Variants in TRABD2B observed in about 807,000 individuals in gnomAD.
TRABD2B encodes the protein metalloprotease TIKI2.
A neutral mutation model predicts 40.1 loss-of-function variants in TRABD2B; 14 were observed. That is an observed-to-expected ratio of 0.35 (90% CI 0.23 to 0.55). TRABD2B has a LOEUF of 0.55. Ranked by LOEUF, TRABD2B falls within the 20% of genes least tolerant of loss-of-function variation. The pLI, the probability that TRABD2B is intolerant of heterozygous loss-of-function variation, is 0.90. For missense variants in TRABD2B, 541 were observed against 648.6 expected (o/e 0.83, Z 1.80); for synonymous variants, 263 against 277.0 (o/e 0.95, Z 0.50).
chr1:47,829,123 T>C (rs894036388), intron 2 of TRABD2B, among the ~76,000 whole-genome samples: 2 of 152,194 alleles, frequency 1.3e-5, no homozygotes, highest in African/African-American at 4.8e-5. Flanking sequence ...GCCTGACTTG[T>C]CTCTTATGTT....
intron 2 of TRABD2B, among the ~76,000 whole-genome samples, chr1:47,967,654 G>A (rs1473594770): frequency 6.6e-6 from 1 of 152,182 alleles, no homozygotes; most frequent in Non-Finnish European, 1.5e-5. Context: ...TGTTAAGAGA[G>A]ATAGATAAAT....
At chr1:47,822,075 T>A (rs193220037) in intron 2 of TRABD2B, among the ~76,000 whole-genome samples, 120 of 152,050 alleles carry the variant, frequency 7.9e-4, no homozygotes, top group African/African-American at 2.4e-3. Context: ...ACCACTGACA[T>A]CTTACACAAA....
chr1:47,978,542 G>C (rs1645793744), intron 2 of TRABD2B, among the ~76,000 whole-genome samples: 2 of 152,132 alleles, frequency 1.3e-5, no homozygotes, highest in Non-Finnish European at 2.9e-5. Flanking sequence ...ATGACTGGCT[G>C]GCATTCCCAA....
chr1:47,987,222 T>C (rs183661535), intron 2 of TRABD2B, among the ~76,000 whole-genome samples: 4 of 152,090 alleles, frequency 2.6e-5, no homozygotes, highest in Non-Finnish European at 5.9e-5. Context: ...GACAATATGT[T>C]TGCGGATGAG....
intron 2 of TRABD2B, among the ~76,000 whole-genome samples, chr1:47,857,468 C>T (rs972946191): frequency 5.3e-5 from 8 of 152,164 alleles, no homozygotes; most frequent in African/African-American, 1.7e-4. Context: ...TAGACTTCTC[C>T]TTGGGGAAGC....
At chr1:47,929,394 T>G (rs1277691962) in intron 2 of TRABD2B, among the ~76,000 whole-genome samples, 2 of 152,234 alleles carry the variant, frequency 1.3e-5, no homozygotes, top group Non-Finnish European at 2.9e-5. Context: ...TTAAGAGGAC[T>G]GTGATTGCCT....
chr1:47,943,800 AG>A lies in TRABD2B; in HGVS notation c.666+50233del, dbSNP rs574794237. Among the ~76,000 whole-genome samples the A allele has an allele frequency of 8.5e-5, 12 of 141,830 alleles. No homozygotes were observed. The East Asian group carries it at 1.9e-3, about 23-fold the overall frequency. The allele number at this position is 141,830 out of a possible 152,430, so 93.0% of individuals were successfully genotyped here. On this transcript the variant is annotated intron_variant, in intron 2 of 6. Transcript: ENST00000606738. ...CACACACACACACACACACACACAC[AG>A]AACACAATGGAAAGAAACATCAGCT...
chr1:47,850,252 A>G (rs1391821885), intron 2 of TRABD2B, among the ~76,000 whole-genome samples: 1 of 152,200 alleles, frequency 6.6e-6, no homozygotes, highest in Non-Finnish European at 1.5e-5. Context: ...CTGAACACAG[A>G]GTCAGTAACC....
In TRABD2B at chr1:47,996,343, C is replaced by A. The variant is rs1030600951; in HGVS notation, c.102+345G>T. On this transcript the variant is annotated intron_variant, in intron 1 of 6. Transcript: ENST00000606738. This position sits in a 1 kb window ranked among gnomAD's most constrained non-coding sequence, Gnocchi z 4.6. ...AACGGTAGAAAAACACAGTCAGAAGCGGGCAGAGAGACCAGAAGGGTAAAG... is the reference window on the plus strand; with the variant it reads ...AACGGTAGAAAAACACAGTCAGAAGAGGGCAGAGAGACCAGAAGGGTAAAG... 2.0e-5 allele frequency among the ~76,000 whole-genome samples: 3 copies of A among 151,864 alleles called. No individual in the cohort carries two copies. The highest frequency in any genetic ancestry group is 2.9e-5 in the Non-Finnish European group (2 of 67,988).
At chr1:47,825,928 G>A (rs1316368126) in intron 2 of TRABD2B, among the ~76,000 whole-genome samples, 3 of 152,240 alleles carry the variant, frequency 2.0e-5, no homozygotes, top group African/African-American at 7.2e-5. Context: ...AACCCTTGCT[G>A]GGTTTTGGTT....
chr1:47,845,377 TCTTA>T (rs1366842260), intron 2 of TRABD2B, among the ~76,000 whole-genome samples: 5 of 152,230 alleles, frequency 3.3e-5, no homozygotes, highest in Non-Finnish European at 7.3e-5. Flanking sequence ...ATTATTTTGC[TCTTA>T]CTAAGTGTCT....
intron 2 of TRABD2B, among the ~76,000 whole-genome samples, chr1:47,840,488 C>T (rs539397208): frequency 1.1e-4 from 16 of 152,354 alleles, no homozygotes; most frequent in Middle Eastern, 3.4e-3. Context: ...GGCCCAGCCT[C>T]CTGTCCCTCC....
At position 47,994,709 on chromosome 1, in the gene TRABD2B, C is replaced by A; in HGVS notation, c.103-112G>T. On this transcript the variant is annotated intron_variant, in intron 1 of 6. Coordinates refer to ENST00000606738, the MANE Select transcript of TRABD2B (RefSeq NM_001194986.2). The surrounding 1 kb of genome is among the most constrained non-coding windows in gnomAD (Gnocchi z 6.7). ...GTGGGGATGGGAGGCAGAGACCATACACAGGCCGTGGTAAAGAGCCAGGTC... is the reference window on the plus strand; with the variant it reads ...GTGGGGATGGGAGGCAGAGACCATAAACAGGCCGTGGTAAAGAGCCAGGTC... 1.0e-6 allele frequency: 1 copy of A among 959,454 alleles called. No homozygotes were observed. Among genetic ancestry groups the A allele is most frequent in the Admixed American group, 2.7e-5 (1 of 36,902 alleles). The allele number at this position is 959,454 out of a possible 1,614,324, so 59.4% of individuals were successfully genotyped here. A position where few individuals can be genotyped will look rare whatever the true frequency, so the allele number is the denominator to read the frequency against.
chr1:47,992,756 G>T (rs1388433237), intron 2 of TRABD2B, among the ~76,000 whole-genome samples: 1 of 152,242 alleles, frequency 6.6e-6, no homozygotes, highest in Non-Finnish European at 1.5e-5. Flanking sequence ...TTCCCCCGTG[G>T]AGAAGGAGTC....
chr1:47,832,257 C>T (rs376530884), intron 2 of TRABD2B, among the ~76,000 whole-genome samples: 5 of 151,954 alleles, frequency 3.3e-5, no homozygotes, highest in East Asian at 1.9e-4. Flanking sequence ...GGCGTGAATC[C>T]GGGAGGCGGA....
intron 2 of TRABD2B, among the ~76,000 whole-genome samples, chr1:47,977,840 C>A (rs971172239): frequency 1.3e-5 from 2 of 152,004 alleles, no homozygotes; most frequent in African/African-American, 4.8e-5. Flanking sequence ...AAATGAAGAG[C>A]TGGAGGGCTC....
At chr1:47,811,130 G>A (rs1206126592) in intron 2 of TRABD2B, among the ~76,000 whole-genome samples, 1 of 152,202 alleles carries the variant, frequency 6.6e-6, no homozygotes, top group Non-Finnish European at 1.5e-5. Flanking sequence ...CTGCTGAGAT[G>A]TGAAGTCACG....
chr1:47,834,803 G>T (rs937130276), intron 2 of TRABD2B, among the ~76,000 whole-genome samples: 4 of 152,170 alleles, frequency 2.6e-5, no homozygotes, highest in African/African-American at 9.7e-5. Context: ...GAAGGGAAGA[G>T]AATCTGATTT....
intron 2 of TRABD2B, among the ~76,000 whole-genome samples, chr1:47,937,348 T>TCAC (rs1372460658): frequency 2.0e-5 from 3 of 150,860 alleles, no homozygotes; most frequent in Non-Finnish European, 3.0e-5. Flanking sequence ...ATCATCATCA[T>TCAC]CACCACCACC....
Sources: allele counts gnomAD v4.1 joint callset (sites outside exome capture counted in the v4.1 genomes callset), GRCh38; gene constraint gnomAD v4.1.1; non-coding constraint Gnocchi (gnomAD v3.1); transcripts MANE v1.5; gene names NCBI Gene and HGNC (gene_info 2026-07-23, HGNC 2026-07-21).